Variants in ZNF618 observed in about 807,000 individuals in gnomAD.
The protein encoded by ZNF618 is neural precursor cell expressed, developmentally down-regulated 10.
In ZNF618, 34 loss-of-function variants were observed where a neutral mutation model predicts 103.0. That is an observed-to-expected ratio of 0.33 (90% CI 0.25 to 0.44). The LOEUF (loss-of-function observed/expected upper bound fraction) is 0.44, where lower values mean the gene tolerates loss of function less well. ZNF618 is among the 20% of genes least tolerant of loss of function. The probability of loss-of-function intolerance (pLI) is 1.00; values close to 1 mark genes in which losing one functional copy is unlikely to be tolerated. For missense variants in ZNF618, 1,059 were observed against 1,295.4 expected (o/e 0.82, Z 2.80); for synonymous variants, 551 against 542.2 (o/e 1.02, Z -0.23).
intron 1 of ZNF618, among the ~76,000 whole-genome samples, chr9:113,896,671 A>G (rs1282577428): frequency 6.6e-6 from 1 of 152,026 alleles, no homozygotes; most frequent in Non-Finnish European, 1.5e-5. Context: ...TAGATATATT[A>G]TTAAGTTTTT....
chr9:113,941,167 G>A (rs1834513929), intron 1 of ZNF618, among the ~76,000 whole-genome samples: 2 of 151,868 alleles, frequency 1.3e-5, no homozygotes, highest in African/African-American at 4.8e-5. Flanking sequence ...TTAAACTTGG[G>A]CAAGAATAAA....
chr9:113,999,400 A>G (rs1339525221), intron 4 of ZNF618, among the ~76,000 whole-genome samples: 2 of 151,826 alleles, frequency 1.3e-5, no homozygotes, highest in Non-Finnish European at 1.5e-5. Flanking sequence ...TTTACGCTGC[A>G]TGAGGGGCAG....
chr9:113,945,148 C>T (rs1834901213), intron 1 of ZNF618, among the ~76,000 whole-genome samples: 1 of 152,188 alleles, frequency 6.6e-6, no homozygotes, highest in Admixed American at 6.5e-5. Context: ...CTTCCTCCCA[C>T]GTGCCCAACA....
chr9:114,012,899 A>G (rs1842371731), intron 9 of ZNF618, among the ~76,000 whole-genome samples: 2 of 152,218 alleles, frequency 1.3e-5, no homozygotes, highest in South Asian at 4.1e-4. Context: ...GTATATGCAG[A>G]TTTAATATCT....
chr9:113,946,239 C>T (rs1360639511), intron 1 of ZNF618, among the ~76,000 whole-genome samples: 4 of 152,096 alleles, frequency 2.6e-5, no homozygotes, highest in Admixed American at 6.6e-5. Context: ...TTAAAGCTTT[C>T]GGGGCTTCAA....
intron 6 of ZNF618, 70 bp from the exon 7 acceptor site, chr9:114,007,280 C>G: frequency 7.3e-7 from 1 of 1,364,844 alleles, no homozygotes; most frequent in East Asian, 2.4e-5. Context: ...CTGAGATGAT[C>G]TGGCCAGAAA....
At chr9:114,030,936 C>G (rs1843968638) in intron 11 of ZNF618, 1 of 152,218 alleles carries the variant, frequency 6.6e-6, no homozygotes, top group African/African-American at 2.4e-5. Context: ...GAGTACCAGT[C>G]ACCCAACGTA....
intron 1 of ZNF618, among the ~76,000 whole-genome samples, chr9:113,906,696 A>G (rs189560541): frequency 2.2e-4 from 33 of 152,326 alleles, no homozygotes; most frequent in African/African-American, 7.0e-4. Flanking sequence ...CAAAGTGAGG[A>G]TTCTTTCTGC....
intron 11 of ZNF618, 67 bp from the exon 12 acceptor site, chr9:114,032,578 C>A: frequency 1.4e-6 from 2 of 1,476,092 alleles, no homozygotes; most frequent in Non-Finnish European, 1.9e-6. Context: ...CCCAGCCTAC[C>A]CCTCCCTTGA....
intron 7 of ZNF618, among the ~76,000 whole-genome samples, chr9:114,007,778 T>C (rs1435430790): frequency 6.6e-6 from 1 of 152,250 alleles, no homozygotes; most frequent in African/African-American, 2.4e-5. Flanking sequence ...AAAAAACGAA[T>C]GATGGCCTTT....
At chr9:114,025,742 C>T (rs1216593095) in intron 10 of ZNF618, among the ~76,000 whole-genome samples, 1 of 152,156 alleles carries the variant, frequency 6.6e-6, no homozygotes, top group Non-Finnish European at 1.5e-5. Flanking sequence ...CCTTTGGGAC[C>T]ACTGGGAGGA....
At chr9:113,957,674 C>G (rs985178785) in intron 1 of ZNF618, among the ~76,000 whole-genome samples, 4 of 152,180 alleles carry the variant, frequency 2.6e-5, no homozygotes, top group African/African-American at 7.2e-5. Flanking sequence ...GCCTCTTCCC[C>G]TACTGCCATA....
chr9:113,909,528 G>A (rs1436159185), intron 1 of ZNF618, among the ~76,000 whole-genome samples: 1 of 152,176 alleles, frequency 6.6e-6, no homozygotes, highest in Non-Finnish European at 1.5e-5. Context: ...ACCTTGGGGT[G>A]TCATGTGATG....
intron 1 of ZNF618, among the ~76,000 whole-genome samples, chr9:113,948,599 A>G (rs113558418): frequency 2.6e-5 from 4 of 152,344 alleles, no homozygotes; most frequent in African/African-American, 9.6e-5. Context: ...GCCATGTGTT[A>G]TTTAACTGGA....
intron 2 of ZNF618, 49 bp from the exon 3 acceptor site, chr9:113,988,272 G>T: frequency 6.4e-7 from 1 of 1,568,838 alleles, no homozygotes; most frequent in Non-Finnish European, 8.6e-7. Context: ...GTGGGCTCCT[G>T]TGTTGATCTG....
rs761996128 is a variant in ZNF618 at position 114,028,952 on chromosome 9, C to T, written c.1064C>T (p.Pro355Leu). ...TTCCGCACTCCAAATTCGGGATCTC[C>T]GGCGAGCAAGGCAACCGCAGGTACC... ...QTFRTPNSGSPASKATAAESA... is the reference protein window; with the variant it reads ...QTFRTPNSGSLASKATAAESA... The change falls in exon 11 of 15, where the codon CCG (proline) becomes CTG (leucine). Residue 355 changes from proline (P) to leucine (L), a missense_variant. Pro to Leu is a moderately conservative substitution (Grantham distance 98). This residue lies in a region of ZNF618 where 434 missense variants were observed against 476.0 expected (regional missense o/e 0.91). Transcript: ENST00000374126. The T allele has an allele frequency of 2.6e-5, 41 of 1,550,652 alleles. No homozygotes were observed. In the Middle Eastern group the frequency reaches 6.7e-4, roughly 25 times the overall value.
At chr9:114,034,287 A>G (rs1844379066) in intron 12 of ZNF618, among the ~76,000 whole-genome samples, 2 of 152,164 alleles carry the variant, frequency 1.3e-5, no homozygotes, top group Admixed American at 1.3e-4. Context: ...GACTTGCCCA[A>G]GGCCACACAG....
At chr9:114,047,489 G>T (rs974711349) in intron 13 of ZNF618, among the ~76,000 whole-genome samples, 1 of 152,126 alleles carries the variant, frequency 6.6e-6, no homozygotes, top group African/African-American at 2.4e-5. Flanking sequence ...GGCCACTTGG[G>T]GGGTGTAGCT....
chr9:114,002,855 C>T (rs1841377856), intron 6 of ZNF618, among the ~76,000 whole-genome samples, 193 bp downstream of exon 6: 1 of 152,244 alleles, frequency 6.6e-6, no homozygotes, highest in East Asian at 1.9e-4. Flanking sequence ...CTTCCCAAAG[C>T]GTGCTCCATG....
Sources: gnomAD v4.1 joint callset for allele counts (sites outside exome capture counted in the v4.1 genomes callset) on GRCh38, gnomAD v4.1.1 for gene constraint, gnomAD v4.1.1 regional missense constraint, MANE v1.5 for transcripts, NCBI Gene and HGNC (gene_info 2026-07-23, HGNC 2026-07-21) for gene names.